Variants in BRAF observed in about 807,000 individuals in gnomAD.
BRAF encodes the protein B-Raf proto-oncogene, serine/threonine kinase.
In BRAF, 16 loss-of-function variants were observed where a neutral mutation model predicts 104.6. That is an observed-to-expected ratio of 0.15 (90% CI 0.10 to 0.23). The LOEUF (loss-of-function observed/expected upper bound fraction) is 0.23, where lower values mean the gene tolerates loss of function less well. Ranked by LOEUF, BRAF falls within the 10% of genes least tolerant of loss-of-function variation. The pLI is 1.00. For missense variants in BRAF, 541 were observed against 937.3 expected, an observed-to-expected ratio of 0.58 and a Z score of 5.52; for synonymous variants, 310 against 341.6, an observed-to-expected ratio of 0.91 and a Z score of 1.02.
At chr7:140,788,649 C>G (rs1012953737) in intron 8 of BRAF, among the ~76,000 whole-genome samples, 2 of 151,976 alleles carry the variant, frequency 1.3e-5, no homozygotes, top group Non-Finnish European at 2.9e-5. Context: ...AGTGCAGTGG[C>G]GTGATCTTGG....
intron 3 of BRAF, among the ~76,000 whole-genome samples, chr7:140,827,066 C>T (rs1337957417): frequency 6.6e-6 from 1 of 152,118 alleles, no homozygotes; most frequent in Non-Finnish European, 1.5e-5. Context: ...ATGGTGCTTA[C>T]CTTTTTCCTC....
chr7:140,773,545 C>T (rs913465581), intron 14 of BRAF: 1 of 152,078 alleles, frequency 6.6e-6, no homozygotes, highest in African/African-American at 2.4e-5. Flanking sequence ...TATACATGTC[C>T]TAGACATAGA....
chr7:140,751,373 T>C (rs954441641), intron 16 of BRAF, among the ~76,000 whole-genome samples: 3 of 152,200 alleles, frequency 2.0e-5, no homozygotes, highest in African/African-American at 7.2e-5. Flanking sequence ...ACTTAAAATC[T>C]GTTTTCCCTC....
chr7:140,764,392 C>T (rs1799096180), intron 14 of BRAF, among the ~76,000 whole-genome samples: 1 of 150,534 alleles, frequency 6.6e-6, no homozygotes, highest in Non-Finnish European at 1.5e-5. Context: ...TGGCACAAGA[C>T]AGGGATGCCC....
At position 140,776,975 on chromosome 7, in the gene BRAF, A is replaced by G. The variant is rs1562954612; in HGVS notation, c.1751T>C (p.Ile584Thr). 1.2e-6 allele frequency: 2 copies of G among 1,613,852 alleles called. No homozygotes were observed. Among genetic ancestry groups the G allele is most frequent in the Non-Finnish European group, 1.7e-6 (2 of 1,179,858 alleles). Reference protein sequence around the residue: ...GSSLYHHLHIIETKFEMIKLI... With the variant: ...GSSLYHHLHITETKFEMIKLI... Reference sequence around the variant, plus strand: ...TTTGATCATCTCAAATTTGGTCTCAATGATATGGAGATGGTGATACAAGCT... The same window carrying G: ...TTTGATCATCTCAAATTTGGTCTCAGTGATATGGAGATGGTGATACAAGCT... Residue 584 changes from isoleucine to threonine, a missense_variant, in exon 14 of 20, where the codon ATT (isoleucine) becomes ACT (threonine). Ile to Thr is a moderately conservative substitution (Grantham distance 89). Transcript: ENST00000644969.
chr7:140,864,503 G>A (rs1254283261), intron 1 of BRAF, among the ~76,000 whole-genome samples: 2 of 152,114 alleles, frequency 1.3e-5, no homozygotes, highest in Non-Finnish European at 2.9e-5. Context: ...ACATATTTGG[G>A]TGTCACTAGC....
chr7:140,729,810 C>G (rs1346615009), intron 19 of BRAF, among the ~76,000 whole-genome samples: 1 of 152,044 alleles, frequency 6.6e-6, no homozygotes, highest in Non-Finnish European at 1.5e-5. Context: ...TGTGGTGGTA[C>G]TGCACCACTG....
At chr7:140,813,210 AATAACCC>A (rs1804469855) in intron 3 of BRAF, among the ~76,000 whole-genome samples, 1 of 152,174 alleles carries the variant, frequency 6.6e-6, no homozygotes, top group South Asian at 2.1e-4. Flanking sequence ...GATGAAGACC[AATAACCC>A]AAGAGAAAAA....
intron 1 of BRAF, among the ~76,000 whole-genome samples, chr7:140,904,465 G>A (rs1357452223): frequency 6.6e-6 from 1 of 152,032 alleles, no homozygotes; most frequent in Non-Finnish European, 1.5e-5. Flanking sequence ...GGGGTGTCAA[G>A]AAACTTCGTA....
At chr7:140,809,460 T>C (rs1803997319) in intron 3 of BRAF, among the ~76,000 whole-genome samples, 1 of 152,184 alleles carries the variant, frequency 6.6e-6, no homozygotes, top group Admixed American at 6.5e-5. Context: ...TGTCTTAACA[T>C]GTATACTTGA....
intron 1 of BRAF, among the ~76,000 whole-genome samples, chr7:140,910,357 C>A (rs931413795): frequency 3.3e-5 from 5 of 152,296 alleles, no homozygotes; most frequent in African/African-American, 1.2e-4. Context: ...CCTCACTAGC[C>A]CATAACAACT....
chr7:140,896,967 CTAATA>C (rs1179315053), intron 1 of BRAF, among the ~76,000 whole-genome samples: 2 of 151,088 alleles, frequency 1.3e-5, no homozygotes, highest in African/African-American at 4.9e-5. Context: ...TAATAAATCT[CTAATA>C]TATATGTCCC....
At chr7:140,856,201 A>G (rs964752859) in intron 1 of BRAF, among the ~76,000 whole-genome samples, 3 of 151,612 alleles carry the variant, frequency 2.0e-5, no homozygotes, top group Non-Finnish European at 4.4e-5. Flanking sequence ...GGGGAAAACT[A>G]CAGGACTAGC....
chr7:140,817,699 C>G (rs889445292), intron 3 of BRAF, among the ~76,000 whole-genome samples: 2 of 152,134 alleles, frequency 1.3e-5, no homozygotes, highest in African/African-American at 4.8e-5. Flanking sequence ...GGGGAAAGGA[C>G]AGTCTCTTCA....
chr7:140,744,690 G>C (rs577753310), intron 17 of BRAF, among the ~76,000 whole-genome samples: 2 of 152,152 alleles, frequency 1.3e-5, no homozygotes, highest in South Asian at 4.2e-4. Flanking sequence ...TTAGTATCTA[G>C]TGTCCTAACA....
rs985875768 is a variant in BRAF at position 140,720,859 on chromosome 7, C to A, written c.*5635G>T. On this transcript the variant is annotated 3_prime_UTR_variant, in exon 20 of 20. Coordinates refer to ENST00000644969, the MANE Select transcript of BRAF (RefSeq NM_001374258.1). ...AGCAACTTCATCAAAACCCCCAATCCCACCCGTCAACAGACCCTTCCTTTG... is the reference window on the plus strand; with the variant it reads ...AGCAACTTCATCAAAACCCCCAATCACACCCGTCAACAGACCCTTCCTTTG... 3.5e-5 allele frequency: 37 copies of A among 1,065,892 alleles called. No individual in the cohort carries two copies. Among genetic ancestry groups the A allele is most frequent in the Non-Finnish European group, 4.1e-5 (36 of 879,828 alleles). The allele number at this position is 1,065,892 out of a possible 1,614,324, so 66.0% of individuals were successfully genotyped here.
At chr7:140,750,145 T>C (rs142312955) in intron 16 of BRAF, among the ~76,000 whole-genome samples, 1 of 152,300 alleles carries the variant, frequency 6.6e-6, no homozygotes, top group East Asian at 1.9e-4. Context: ...CAATAAACAG[T>C]TGGTTAATTA....
chr7:140,751,602 T>C (rs561525519), intron 16 of BRAF, among the ~76,000 whole-genome samples: 2 of 152,340 alleles, frequency 1.3e-5, no homozygotes, highest in Admixed American at 1.3e-4. Flanking sequence ...ACATTTCAGA[T>C]GTAGACTTAG....
chr7:140,879,450 G>A (rs1420344643), intron 1 of BRAF, among the ~76,000 whole-genome samples: 1 of 151,156 alleles, frequency 6.6e-6, no homozygotes, highest in Admixed American at 6.6e-5. Context: ...AAAGTGCTGG[G>A]ATTACAGACG....
Sources: allele counts gnomAD v4.1 joint callset (sites outside exome capture counted in the v4.1 genomes callset), GRCh38; gene constraint gnomAD v4.1.1; transcripts MANE v1.5; gene names NCBI Gene and HGNC (gene_info 2026-07-23, HGNC 2026-07-21).